Variants in SLC14A2 observed in about 807,000 individuals in gnomAD.
SLC14A2 encodes the protein solute carrier family 14 member 2, also known as urea transporter 2.
SLC14A2 carries 91 observed loss-of-function variants against 104.6 expected under a neutral mutation model. The observed-to-expected ratio is 0.87, with a 90% CI of 0.73 to 1.04. The LOEUF (loss-of-function observed/expected upper bound fraction) is 1.04. Ranked by LOEUF, SLC14A2 falls within the 50% of genes least tolerant of loss-of-function variation. The pLI, the probability that SLC14A2 is intolerant of heterozygous loss-of-function variation, is 0.00. For synonymous variants in SLC14A2, 476 were observed against 466.4 expected, an observed-to-expected ratio of 1.02 and a Z score of -0.27; for missense variants, 1,189 against 1,156.0, an observed-to-expected ratio of 1.03 and a Z score of -0.41.
chr18:45,517,023 G>A (rs1354566776), intron 2 of SLC14A2, among the ~76,000 whole-genome samples: 1 of 152,250 alleles, frequency 6.6e-6, no homozygotes, highest in African/African-American at 2.4e-5. Context: ...CTCTCACTGT[G>A]TGCTGTCTGT....
chr18:45,378,953 A>G (rs2085804823), intron 1 of SLC14A2, among the ~76,000 whole-genome samples: 1 of 152,180 alleles, frequency 6.6e-6, no homozygotes, highest in South Asian at 2.1e-4. Flanking sequence ...GTGAAAAGAT[A>G]CCTGACGAAA....
chr18:45,609,832 A>G (rs913710202), intron 2 of SLC14A2, among the ~76,000 whole-genome samples: 1 of 152,208 alleles, frequency 6.6e-6, no homozygotes, highest in Non-Finnish European at 1.5e-5. Flanking sequence ...TTCAACCCTG[A>G]GCAGGCTGCT....
chr18:45,503,925 C>T (rs1157785121), intron 2 of SLC14A2, among the ~76,000 whole-genome samples: 3 of 144,242 alleles, frequency 2.1e-5, no homozygotes, highest in Admixed American at 7.0e-5. Context: ...CTGACTTACC[C>T]AAAGTTAGTA....
At chr18:45,335,041 A>T (rs972859119) in intron 1 of SLC14A2, among the ~76,000 whole-genome samples, 14 of 152,236 alleles carry the variant, frequency 9.2e-5, no homozygotes, top group Non-Finnish European at 1.9e-4. Context: ...AAGTACAATT[A>T]ATATAAAATA....
intron 1 of SLC14A2, among the ~76,000 whole-genome samples, chr18:45,368,339 G>A (rs893793630): frequency 3.9e-5 from 6 of 152,174 alleles, no homozygotes; most frequent in African/African-American, 1.4e-4. Flanking sequence ...AGTGTAGGAG[G>A]GAAAACAGAA....
chr18:45,336,912 T>C (rs1428184372), intron 1 of SLC14A2, among the ~76,000 whole-genome samples: 1 of 152,018 alleles, frequency 6.6e-6, no homozygotes, highest in East Asian at 1.9e-4. Flanking sequence ...GAGTATACAA[T>C]ATGCATTTAC....
chr18:45,521,567 C>T (rs534904459), intron 2 of SLC14A2, among the ~76,000 whole-genome samples: 42 of 152,272 alleles, frequency 2.8e-4, no homozygotes, highest in South Asian at 4.1e-4. Flanking sequence ...AAAAGACCTT[C>T]AGAAAGTAAC....
At chr18:45,261,913 G>A (rs1014728291) in intron 1 of SLC14A2, among the ~76,000 whole-genome samples, 3 of 152,158 alleles carry the variant, frequency 2.0e-5, no homozygotes, top group African/African-American at 7.2e-5. Context: ...AATCCTTTGG[G>A]TATATACCCA....
At chr18:45,662,878 T>C (rs901372879) in intron 10 of SLC14A2, among the ~76,000 whole-genome samples, 13 of 152,194 alleles carry the variant, frequency 8.5e-5, no homozygotes, top group Admixed American at 2.6e-4. Context: ...TTACGAGACC[T>C]GGGTGTGGGT....
At chr18:45,450,625 T>G (rs541770682) in intron 1 of SLC14A2, among the ~76,000 whole-genome samples, 3 of 152,222 alleles carry the variant, frequency 2.0e-5, no homozygotes, top group Admixed American at 1.3e-4. Context: ...TGAGTACCAC[T>G]GCAGGGGATA....
the SLC14A2 span, among the ~76,000 whole-genome samples, chr18:45,189,675 C>T: frequency 9.9e-5 from 15 of 152,098 alleles, no homozygotes; most frequent in East Asian, 1.9e-4. Context: ...GTATGTTTCA[C>T]GTAACTGTTA....
intron 1 of SLC14A2, among the ~76,000 whole-genome samples, chr18:45,395,005 G>A (rs558464237): frequency 6.6e-6 from 1 of 152,042 alleles, no homozygotes; most frequent in Non-Finnish European, 1.5e-5. Context: ...GGTGGGTACT[G>A]GCCAAAAAGA....
At chr18:45,438,819 A>G (rs16978368) in intron 1 of SLC14A2, among the ~76,000 whole-genome samples, 83,350 of 152,038 alleles carry the variant, frequency 0.55, 23,165 homozygotes, top group Admixed American at 0.68. Flanking sequence ...ATAAGAATTC[A>G]TCAAGGAGCT....
intron 1 of SLC14A2, among the ~76,000 whole-genome samples, chr18:45,302,976 G>C (rs1017806909): frequency 6.6e-6 from 1 of 151,900 alleles, no homozygotes; most frequent in African/African-American, 2.4e-5. Flanking sequence ...ACAAAGCCAG[G>C]GTCTTAGGTT....
intron 10 of SLC14A2, chr18:45,647,777 G>A (rs895259392): frequency 9.7e-6 from 1 of 102,668 alleles, no homozygotes; most frequent in Non-Finnish European, 2.0e-5. Context: ...TAGCATTTAG[G>A]AATCTTGATT....
At chr18:45,292,356 A>G (rs1209033839) in intron 1 of SLC14A2, among the ~76,000 whole-genome samples, 1 of 152,184 alleles carries the variant, frequency 6.6e-6, no homozygotes, top group East Asian at 1.9e-4. Context: ...TTATATGGGT[A>G]AACAGCTGTA....
chr18:45,434,726 C>G (rs1490976083), intron 1 of SLC14A2, among the ~76,000 whole-genome samples: 1 of 152,116 alleles, frequency 6.6e-6, no homozygotes, highest in African/African-American at 2.4e-5. Context: ...AATAGATGGG[C>G]ACTTTTTAAA....
chr18:45,267,158 C>T (rs1052409705), intron 1 of SLC14A2, among the ~76,000 whole-genome samples: 3 of 152,206 alleles, frequency 2.0e-5, no homozygotes, highest in Admixed American at 6.5e-5. Flanking sequence ...ACAACACATC[C>T]GGACACAGGC....
rs567389081 is a variant in SLC14A2 at position 45,433,963 on chromosome 18, A to G, written c.-124-49270A>G. On this transcript the variant is annotated intron_variant, in intron 1 of 20. Coordinates refer to the SLC14A2 transcript ENST00000586448. Reference sequence around the variant, plus strand: ...ACTGCCTTCAGTTCATCCCATGCTCATAATACTTACTCAGGGCTCCTGTGT... The same window carrying G: ...ACTGCCTTCAGTTCATCCCATGCTCGTAATACTTACTCAGGGCTCCTGTGT... Among the ~76,000 whole-genome samples, 4 of 152,296 alleles carry G rather than the reference A, an allele frequency of 2.6e-5. No individual in the cohort carries two copies. In the South Asian group the frequency reaches 6.2e-4, roughly 24 times the overall value.
Sources: allele counts gnomAD v4.1 joint callset (sites outside exome capture counted in the v4.1 genomes callset), GRCh38; gene constraint gnomAD v4.1.1; transcripts MANE v1.5; gene names NCBI Gene and HGNC (gene_info 2026-07-23, HGNC 2026-07-21).